Variants in DNAI2 observed in about 807,000 individuals in gnomAD.
DNAI2 encodes dynein axonemal intermediate chain 2, also known as dynein, axonemal, intermediate polypeptide 2.
In DNAI2, 63 loss-of-function variants were observed where a neutral mutation model predicts 74.7. That is an observed-to-expected ratio of 0.84 (90% CI 0.69 to 1.04). The LOEUF is 1.04. DNAI2 is among the 50% of genes least tolerant of loss of function. The pLI, the probability that DNAI2 is intolerant of heterozygous loss-of-function variation, is 0.00. For synonymous variants in DNAI2, 289 were observed against 314.9 expected, an observed-to-expected ratio of 0.92 and a Z score of 0.87; for missense variants, 688 against 803.2, an observed-to-expected ratio of 0.86 and a Z score of 1.73.
chr17:74,310,141 A>T lies in DNAI2; in HGVS notation c.1472A>T (p.Asn491Ile). The T allele has an allele frequency of 6.2e-7, 1 of 1,613,706 alleles. No individual in the cohort carries two copies. Among genetic ancestry groups the T allele is most frequent in the Non-Finnish European group, 8.5e-7 (1 of 1,180,016 alleles). The change falls in exon 11 of 14, where the codon AAT becomes ATT. Residue 491 changes from asparagine (N) to isoleucine (I), a missense_variant. Coordinates refer to ENST00000311014, the MANE Select transcript of DNAI2 (RefSeq NM_023036.6). ...VSPGLSTLQR[N>I]EKNVASSMFE... ...CCTGGGCTCTCTACCCTCCAGAGGA[A>T]TGAGAAGAACGTAGCCTCTTCCGTA...
Position 74,281,953 on chromosome 17 carries a change from C to G in DNAI2, c.136C>G (p.Pro46Ala). ...ELAEQFVERN[P>A]VDTGIQCSIS... ...GGCCGAGCAGTTCGTGGAGCGGAAC[C>G]CAGTGGACACGGGCATCCAGTGCTC... Residue 46 changes from proline (P) to alanine (A), a missense_variant, in exon 2 of 14, where the codon CCA (proline) becomes GCA (alanine). Coordinates refer to ENST00000311014, the MANE Select transcript of DNAI2 (RefSeq NM_023036.6). The G allele has an allele frequency of 6.2e-7, 1 of 1,614,166 alleles. No individual in the cohort carries two copies. The highest frequency in any genetic ancestry group is 2.2e-5 in the East Asian group (1 of 44,878).
intron 1 of DNAI2, among the ~76,000 whole-genome samples, chr17:74,274,827 C>A (rs1164434922): frequency 3.3e-5 from 5 of 152,212 alleles, no homozygotes; most frequent in Non-Finnish European, 1.5e-5. Context: ...TCTTTCATTT[C>A]TTCCTCAACC....
At position 74,309,373 on chromosome 17, in the gene DNAI2, C is replaced by G; in HGVS notation, c.1332C>G (p.Pro444=). ...IWDFMFEQCD[P]TLSLKVCDEA... ...ACTTCATGTTCGAGCAGTGCGATCC[C>G]ACCCTCAGCTTGAAGGTCACGCGCA... Residue 444 remains proline (P), a synonymous_variant, in exon 10 of 14, where the codon CCC becomes CCG. Coordinates refer to ENST00000311014, the MANE Select transcript of DNAI2 (RefSeq NM_023036.6). 6.2e-7 allele frequency: 1 copy of G among 1,614,180 alleles called. No individual in the cohort carries two copies. Among genetic ancestry groups the G allele is most frequent in the Non-Finnish European group, 8.5e-7 (1 of 1,180,038 alleles).
intron 8 of DNAI2, among the ~76,000 whole-genome samples, chr17:74,302,277 G>GA (rs1598322403): frequency 6.7e-6 from 1 of 149,674 alleles, no homozygotes; most frequent in Non-Finnish European, 1.5e-5. Flanking sequence ...CATAAGAAAA[G>GA]AAAAAAAGGG....
At chr17:74,278,648 ATACCTGTAATCCCAGC>A (rs2051222195) in intron 1 of DNAI2, among the ~76,000 whole-genome samples, 1 of 152,116 alleles carries the variant, frequency 6.6e-6, no homozygotes. Context: ...ATGGTGGCGC[ATACCTGTAATCCCAGC>A]TACTCTGGAG....
chr17:74,286,670 C>T (rs1426046911), intron 3 of DNAI2, among the ~76,000 whole-genome samples: 1 of 152,156 alleles, frequency 6.6e-6, no homozygotes, highest in Admixed American at 6.6e-5. Context: ...AGTGATCCAC[C>T]CGCTTCGGCC....
At chr17:74,309,924 C>A in intron 10 of DNAI2, 93 bp from the exon 11 acceptor site, 1 of 1,550,968 alleles carries the variant, frequency 6.4e-7, no homozygotes, top group South Asian at 1.1e-5. Context: ...TGAATAGGGC[C>A]AAGTGGCTGA....
At chr17:74,296,661 G>A (rs1408592674) in intron 6 of DNAI2, among the ~76,000 whole-genome samples, 1 of 152,206 alleles carries the variant, frequency 6.6e-6, no homozygotes, top group African/African-American at 2.4e-5. Context: ...GCTGAACCAA[G>A]TCAATTACAG....
At chr17:74,288,564 T>G (rs908818786) in intron 4 of DNAI2, among the ~76,000 whole-genome samples, 2 of 152,190 alleles carry the variant, frequency 1.3e-5, no homozygotes, top group African/African-American at 4.8e-5. Context: ...TTCTGTTGTT[T>G]GAAGCCACGC....
rs779452547 is a variant in DNAI2, at chr17:74,299,751, C to T, written c.758C>T (p.Ala253Val). The change falls in exon 7 of 14, where the codon GCG (alanine) becomes GTG (valine). Residue 253 changes from alanine (A) to valine (V), a missense_variant. Coordinates refer to ENST00000311014, the MANE Select transcript of DNAI2 (RefSeq NM_023036.6). ...CWDTRKGSLVAELSTIESSHR... is the reference protein window; with the variant it reads ...CWDTRKGSLVVELSTIESSHR... ...GACACCCGAAAGGGCAGCCTGGTGG[C>T]GGAGCTATCCACCATTGAGTCCAGC... is the stretch of plus-strand genomic sequence containing the variant. 1.5e-5 allele frequency: 24 copies of T among 1,613,248 alleles called. No individual in the cohort carries two copies. Among genetic ancestry groups the T allele is most frequent in the Admixed American group, 5.0e-5 (3 of 59,992 alleles).
intron 8 of DNAI2, among the ~76,000 whole-genome samples, chr17:74,301,779 C>CG (rs1027925030): frequency 1.4e-5 from 2 of 140,464 alleles, no homozygotes; most frequent in African/African-American, 5.4e-5. Context: ...TGAGACCCCC[C>CG]CCACCGCCCG....
At chr17:74,284,614 G>A (rs542104210) in intron 2 of DNAI2, among the ~76,000 whole-genome samples, 6 of 152,108 alleles carry the variant, frequency 3.9e-5, no homozygotes, top group East Asian at 1.9e-4. Context: ...GGGTTTCACC[G>A]TGTTAGCGAG....
intron 4 of DNAI2, among the ~76,000 whole-genome samples, chr17:74,288,696 C>T (rs1290776488): frequency 2.0e-5 from 3 of 152,110 alleles, no homozygotes; most frequent in Admixed American, 1.3e-4. Flanking sequence ...GGGGAGAAGC[C>T]TGGGGAAGAA....
chr17:74,301,285 CA>C lies in DNAI2; in HGVS notation c.987+118del, dbSNP rs764429251. The C allele has an allele frequency of 3.5e-4, 509 of 1,467,920 alleles. 1 individual carries two copies. The highest frequency in any genetic ancestry group is 4.2e-4 in the Admixed American group (25 of 58,968). 90.9% of individuals were successfully genotyped at this position (1,467,920 alleles called of 1,614,324 possible). ...GAACCCAGCACCAGCCCAGGGAGGC[CA>C]CCCTCACTGCAGCCATCCTAGACGT... On this transcript the variant is annotated intron_variant, in intron 8 of 13. Transcript: ENST00000311014.
In DNAI2 at chr17:74,310,087, T is replaced by C; in HGVS notation, c.1418T>C (p.Leu473Pro). Reference sequence around the variant, plus strand: ...TGTCTCATCGCCTGCGGCTCCCAGCTGGGGACAACCACCCTGCTGGAGGTC... The same window carrying C: ...TGTCTCATCGCCTGCGGCTCCCAGCCGGGGACAACCACCCTGCTGGAGGTC... The part of the protein sequence containing the change: ...NGCLIACGSQ[L>P]GTTTLLEVSP... The change falls in exon 11 of 14, where the codon CTG (leucine) becomes CCG (proline). Residue 473 changes from leucine (L) to proline (P), a missense_variant. Transcript: ENST00000311014. 6.2e-7 allele frequency: 1 copy of C among 1,613,872 alleles called. No individual in the cohort carries two copies. The highest frequency in any genetic ancestry group is 8.5e-7 in the Non-Finnish European group (1 of 1,180,012).
rs773733869 is a variant in DNAI2 at position 74,291,083 on chromosome 17, A to G, written c.674A>G (p.Asn225Ser). 6.2e-7 allele frequency: 1 copy of G among 1,614,078 alleles called. No homozygotes were observed. The highest frequency in any genetic ancestry group is 8.5e-7 in the Non-Finnish European group (1 of 1,180,050). Reference sequence around the variant, plus strand: ...TCTCCACTCGTGACGTTGGAGTTCAACCCCAAAGATTCCCACGTACTCCTG... The same window carrying G: ...TCTCCACTCGTGACGTTGGAGTTCAGCCCCAAAGATTCCCACGTACTCCTG... ...PSSPLVTLEF[N>S]PKDSHVLLGG... The change falls in exon 6 of 14, where the codon AAC becomes AGC. Residue 225 changes from asparagine to serine, a missense_variant. By Grantham distance (46) the Asn-to-Ser change is conservative (BLOSUM62 1). Coordinates refer to ENST00000311014, the MANE Select transcript of DNAI2 (RefSeq NM_023036.6).
Position 74,299,847 on chromosome 17 carries a change from C to T in DNAI2, c.854C>T (p.Thr285Met), listed in dbSNP as rs141079076. ...KTGTECFSAS[T>M]DGQVMWWDIR... ...GGCACCGAGTGCTTCTCAGCTTCCA[C>T]GGATGGGCAGGTACCCACCAGCCAG... Residue 285 changes from threonine to methionine, a missense_variant, in exon 7 of 14, where the codon ACG (threonine) becomes ATG (methionine). By Grantham distance (81) the Thr-to-Met change is moderately conservative (BLOSUM62 -1). Coordinates refer to ENST00000311014, the MANE Select transcript of DNAI2 (RefSeq NM_023036.6). The T allele has an allele frequency of 3.0e-4, 484 of 1,613,476 alleles. No individual in the cohort carries two copies. Among genetic ancestry groups the T allele is most frequent in the Non-Finnish European group, 3.8e-4 (451 of 1,180,010 alleles).
chr17:74,291,517 A>G (rs975743019), intron 6 of DNAI2, among the ~76,000 whole-genome samples: 7 of 152,218 alleles, frequency 4.6e-5, no homozygotes, highest in African/African-American at 1.7e-4. Context: ...CAGAGCCCAC[A>G]TGGCAGCCTG....
chr17:74,312,264 G>GGGGTTGGGGC, intron 12 of DNAI2, 34 bp downstream of exon 12: 1 of 506,562 alleles, frequency 2.0e-6, no homozygotes, highest in Non-Finnish European at 4.0e-6. Flanking sequence ...GTGGGTTGGG[G>GGGGTTGGGGC]ACTGGGCGGG....
Sources: gnomAD v4.1 joint callset for allele counts (sites outside exome capture counted in the v4.1 genomes callset) on GRCh38, gnomAD v4.1.1 for gene constraint, MANE v1.5 for transcripts, NCBI Gene and HGNC (gene_info 2026-07-23, HGNC 2026-07-21) for gene names.